SI: variants seen among roughly 807,000 people sequenced by gnomAD.
SI encodes sucrase-isomaltase.
SI carries 235 observed loss-of-function variants against 253.3 expected under a neutral mutation model. That is an observed-to-expected ratio of 0.93 (90% confidence interval 0.83 to 1.03). SI has a LOEUF of 1.03. Among genes scored for constraint, SI ranks in the 50% least tolerant of loss-of-function variants. The pLI is 0.00. For synonymous variants in SI, 819 were observed against 712.0 expected (o/e 1.15, Z -2.39); for missense variants, 2,442 against 2,211.1 (o/e 1.10, Z -2.09).
Position 164,979,389 on chromosome 3 carries a change from T to C in SI, c.5457A>G (p.Glu1819=). 1.3e-6 allele frequency: 2 copies of C among 1,590,766 alleles called. No individual in the cohort carries two copies. The highest frequency in any genetic ancestry group is 1.7e-6 in the Non-Finnish European group (2 of 1,160,228). Reference sequence around the variant, plus strand: ...ATGACCAGTTGATTTCTATTGGTTCTTCTAGAGTAACATTGTGTGTGGTCA... The same window carrying C: ...ATGACCAGTTGATTTCTATTGGTTCCTCTAGAGTAACATTGTGTGTGGTCA... ...IDLTTHNVTL[E]EPIEINWS The change falls in exon 48 of 48, where the codon GAA becomes GAG. Residue 1819 remains glutamate (E), a synonymous_variant. Transcript: ENST00000264382.
chr3:165,033,278 A>T, intron 23 of SI, 117 bp downstream of exon 23: 1 of 761,466 alleles, frequency 1.3e-6, no homozygotes, highest in Non-Finnish European at 1.9e-6. Flanking sequence ...ATTTCATTAC[A>T]TTCCATTAAA....
the SI span, among the ~76,000 whole-genome samples, chr3:165,088,145 A>G: frequency 7.2e-5 from 11 of 151,970 alleles, no homozygotes; most frequent in African/African-American, 2.4e-4. Context: ...CAGGAGTTCA[A>G]GACCCCCCTG....
At chr3:165,051,880 A>C (rs1243546525) in intron 13 of SI, among the ~76,000 whole-genome samples, 1 of 152,008 alleles carries the variant, frequency 6.6e-6, no homozygotes, top group African/African-American at 2.4e-5. Flanking sequence ...AATTTTAAAA[A>C]TATTTAAAAG....
rs770724135 is a variant in SI, at chr3:165,037,988, T to C, written c.2338A>G (p.Met780Val). 36 of 1,607,486 alleles carry C rather than the reference T, an allele frequency of 2.2e-5. No individual in the cohort carries two copies. Among genetic ancestry groups the C allele is most frequent in the Admixed American group, 1.3e-4 (8 of 59,806 alleles). ...CCTATTTTGTCTGCTGGAAGATACA[T>C]ATCAACCCGTTGTTTCCTCCATGGC... The part of the protein sequence containing the change: ...KRPWRKQRVD[M>V]YLPADKIGLH... Residue 780 changes from methionine to valine, a missense_variant, in exon 21 of 48, where the codon ATG (methionine) becomes GTG (valine). Met to Val is a conservative substitution (Grantham distance 21, BLOSUM62 1). Transcript: ENST00000264382.
chr3:165,023,534 T>G, intron 26 of SI, 36 bp downstream of exon 26: 13 of 1,366,460 alleles, frequency 9.5e-6, no homozygotes, highest in South Asian at 1.2e-5. Context: ...TCTCACAAGA[T>G]GAGTTAAGCT....
chr3:165,068,804 G>A lies in SI; in HGVS notation c.401C>T (p.Pro134Leu). 6.2e-7 allele frequency: 1 copy of A among 1,611,786 alleles called. No individual in the cohort carries two copies. Among genetic ancestry groups the A allele is most frequent in the Non-Finnish European group, 8.5e-7 (1 of 1,179,288 alleles). ...GTCATTTCCAAATAGTGTAGGTGAA[G>A]GTATCCTGTTTAATTTGGCTTCAAC... ...IGVEAKLNRI[P>L]SPTLFGNDIN... The change falls in exon 5 of 48, where the codon CCT becomes CTT. Residue 134 changes from proline to leucine, a missense_variant. By Grantham distance (98) the Pro-to-Leu change is moderately conservative. Transcript: ENST00000264382.
At chr3:165,047,788 G>T (rs9290251) in intron 15 of SI, among the ~76,000 whole-genome samples, 91,026 of 151,632 alleles carry the variant, frequency 0.6, 27,490 homozygotes, top group East Asian at 0.81. Context: ...TATTTATTTC[G>T]ACATTTTCAA....
At chr3:165,039,023 G>A (rs1712679232) in intron 20 of SI, 55 bp downstream of exon 20, 3 of 1,105,368 alleles carry the variant, frequency 2.7e-6, no homozygotes, top group Non-Finnish European at 4.1e-6. Context: ...TTTCTATGTA[G>A]AAGTGTTTGA....
In SI at chr3:165,067,369, T is replaced by A; in HGVS notation, c.606A>T (p.Gln202His). 6.2e-7 allele frequency: 1 copy of A among 1,611,378 alleles called. No homozygotes were observed. Among genetic ancestry groups the A allele is most frequent in the Non-Finnish European group, 8.5e-7 (1 of 1,178,174 alleles). ...VKVAQNPFSI[Q>H]VIRKSNGKTL... is the part of the protein sequence containing the mutation. ...TTTTACCGTTGCTTTTCCTAATAAC[T>A]TGGATGCTAAATGGGTTTTGGGCAA... The change falls in exon 6 of 48, where the codon CAA (glutamine) becomes CAT (histidine). Residue 202 changes from glutamine to histidine, a missense_variant. By Grantham distance (24) the Gln-to-His change is conservative (BLOSUM62 0). Transcript: ENST00000264382.
rs1359346038 is a variant in SI, at chr3:165,040,703, A to G, written c.2159+237T>C. On this transcript the variant is annotated intron_variant, in intron 18 of 47. Coordinates refer to ENST00000264382, the MANE Select transcript of SI (RefSeq NM_001041.4). ...CTCTTTACTGATATAATATCCTAAC[A>G]TATTTTATATATCTTTTCCTTGTAA... Among the ~76,000 whole-genome samples, 6 of 152,010 alleles carry G rather than the reference A, an allele frequency of 3.9e-5. No homozygotes were observed. The South Asian group carries it at 8.3e-4, about 21-fold the overall frequency.
chr3:165,031,288 A>G (rs1712224343), intron 24 of SI, among the ~76,000 whole-genome samples: 1 of 149,332 alleles, frequency 6.7e-6, no homozygotes, highest in East Asian at 2.0e-4. Flanking sequence ...GAAAATTCAT[A>G]TAAAGATCAA....
At chr3:165,046,711 C>A in intron 16 of SI, 130 bp downstream of exon 16, 1 of 739,278 alleles carries the variant, frequency 1.4e-6, no homozygotes, top group Non-Finnish European at 2.2e-6. Flanking sequence ...CTCATAAACT[C>A]CATAAAAATA....
intron 41 of SI, among the ~76,000 whole-genome samples, chr3:164,992,722 T>C (rs1717824288): frequency 6.6e-6 from 1 of 151,804 alleles, no homozygotes; most frequent in Non-Finnish European, 1.5e-5. Flanking sequence ...TAGTATATGA[T>C]CAACAAATTA....
chr3:165,069,269 A>C, intron 3 of SI, 74 bp from the exon 4 acceptor site: 2 of 1,017,844 alleles, frequency 2.0e-6, no homozygotes, highest in Admixed American at 3.5e-5. Context: ...TTTTCCAAGG[A>C]ATGAATATTT....
chr3:165,011,966 T>G (rs1718792165), intron 34 of SI, among the ~76,000 whole-genome samples: 1 of 152,044 alleles, frequency 6.6e-6, no homozygotes, highest in African/African-American at 2.4e-5. Context: ...TGTCATTATA[T>G]AATGACTTCT....
chr3:165,053,806 A>G (rs1713553407), intron 13 of SI, among the ~76,000 whole-genome samples: 1 of 152,114 alleles, frequency 6.6e-6, no homozygotes, highest in African/African-American at 2.4e-5. Context: ...GCTCCTAACT[A>G]AGAAAAAAAT....
Position 165,058,944 on chromosome 3 carries a change from A to G in SI, c.1398+19T>C. 1.9e-6 allele frequency: 3 copies of G among 1,605,692 alleles called. No individual in the cohort carries two copies. Among genetic ancestry groups the G allele is most frequent in the Middle Eastern group, 1.7e-4 (1 of 6,040 alleles). ...AAGAAAATTTGAGCAACATAGTTTT[A>G]ATAAATATCATATTTTACCTCTCCA... On this transcript the variant is annotated intron_variant, in intron 12 of 47. Coordinates refer to ENST00000264382, the MANE Select transcript of SI (RefSeq NM_001041.4).
At chr3:164,987,089 T>C in intron 45 of SI, 49 bp downstream of exon 45, 1 of 1,318,512 alleles carries the variant, frequency 7.6e-7, no homozygotes, top group Non-Finnish European at 1.1e-6. Flanking sequence ...AAAAGTAATG[T>C]GATAGAATAC....
At position 165,062,426 on chromosome 3, in the gene SI, T is replaced by C; in HGVS notation, c.965A>G (p.Asp322Gly). 3.7e-6 allele frequency: 6 copies of C among 1,606,958 alleles called. No individual in the cohort carries two copies. Among genetic ancestry groups the C allele is most frequent in the Non-Finnish European group, 5.1e-6 (6 of 1,174,094 alleles). The change falls in exon 9 of 48, where the codon GAT becomes GGT. Residue 322 changes from aspartate (D) to glycine (G), a missense_variant. Transcript: ENST00000264382. Reference protein sequence around the residue: ...VTYRVTGGILDFYILLGDTPE... With the variant: ...VTYRVTGGILGFYILLGDTPE... ...TGTATCTCCTAGAAGGATGTAAAAA[T>C]CCAGAATGCCACCGGTAACTCTATA...
Sources: gnomAD v4.1 joint callset for allele counts (sites outside exome capture counted in the v4.1 genomes callset) on GRCh38, gnomAD v4.1.1 for gene constraint, MANE v1.5 for transcripts, NCBI Gene and HGNC (gene_info 2026-07-23, HGNC 2026-07-21) for gene names.